The following DNMT3B variants were observed in gnomAD, a reference collection of about 807,000 sequenced individuals.
DNMT3B encodes DNA methyltransferase 3 beta.
Under a neutral mutation model 120.2 loss-of-function variants are expected in DNMT3B, and 37 were observed. The ratio of observed to expected loss-of-function variants is 0.31; its 90% CI spans 0.24 to 0.40. DNMT3B has a LOEUF of 0.40. Among genes scored for constraint, DNMT3B ranks in the 10% least tolerant of loss-of-function variants. The probability of loss-of-function intolerance (pLI) is 1.00; values close to 1 mark genes in which losing one functional copy is unlikely to be tolerated. For missense variants in DNMT3B, 878 were observed against 1,137.3 expected, an observed-to-expected ratio of 0.77 and a Z score of 3.28; for synonymous variants, 412 against 442.8, an observed-to-expected ratio of 0.93 and a Z score of 0.87.
intron 8 of DNMT3B, 30 bp from the exon 9 acceptor site, chr20:32,792,596 C>T: frequency 6.2e-7 from 1 of 1,614,076 alleles, no homozygotes; most frequent in Non-Finnish European, 8.5e-7. Flanking sequence ...CTCCCCACCC[C>T]CCCATTCATC....
chr20:32,786,527 T>C lies in DNMT3B; in HGVS notation c.332T>C (p.Val111Ala). 2 of 1,614,024 alleles carry C rather than the reference T, an allele frequency of 1.2e-6. No homozygotes were observed. The highest frequency in any genetic ancestry group is 1.7e-6 in the Non-Finnish European group (2 of 1,180,028). ...GTCCGAACTCGAAATAACAACAGTGTCTCCAGCCGGGAGAGGCACAGGCCT... is the reference window on the plus strand; with the variant it reads ...GTCCGAACTCGAAATAACAACAGTGCCTCCAGCCGGGAGAGGCACAGGCCT... The part of the protein sequence containing the change: ...PAVRTRNNNS[V>A]SSRERHRPSP... The change falls in exon 5 of 23, where the codon GTC becomes GCC. Residue 111 changes from valine to alanine, a missense_variant. Around this residue, in one of 4 missense-constraint regions of DNMT3B, gnomAD observed 287 missense variants for 306.2 expected, o/e 0.94. Coordinates refer to ENST00000328111, the MANE Select transcript of DNMT3B (RefSeq NM_006892.4).
chr20:32,782,333 G>A (rs1303033161), intron 3 of DNMT3B, among the ~76,000 whole-genome samples: 1 of 152,200 alleles, frequency 6.6e-6, no homozygotes, highest in African/African-American at 2.4e-5. Flanking sequence ...GTAAGGGATG[G>A]TTACATAGAT....
At chr20:32,785,156 C>A (rs1226696298) in intron 4 of DNMT3B, among the ~76,000 whole-genome samples, 2 of 152,034 alleles carry the variant, frequency 1.3e-5, no homozygotes, top group Non-Finnish European at 2.9e-5. Flanking sequence ...TCTCCTGCCA[C>A]AGCCTCCCAA....
intron 1 of DNMT3B, among the ~76,000 whole-genome samples, chr20:32,767,901 T>C (rs897625736): frequency 6.6e-6 from 1 of 152,204 alleles, no homozygotes; most frequent in African/African-American, 2.4e-5. Flanking sequence ...ATTTATGTCC[T>C]GTTGTATGTG....
intron 12 of DNMT3B, 106 bp from the exon 13 acceptor site, chr20:32,796,684 A>G: frequency 7.9e-7 from 1 of 1,258,128 alleles, no homozygotes; most frequent in Non-Finnish European, 1.2e-6. Flanking sequence ...AGTCCTTGGC[A>G]AGCTGCTGGC....
chr20:32,779,590 G>C (rs1978339957), intron 1 of DNMT3B, among the ~76,000 whole-genome samples: 1 of 152,220 alleles, frequency 6.6e-6, no homozygotes, highest in Admixed American at 6.5e-5. Context: ...CCAGAGGTGA[G>C]GGTGAGGCTA....
chr20:32,795,633 T>C lies in DNMT3B; in HGVS notation c.1253-17T>C. Reference sequence around the variant, plus strand: ...GGCTCCCTGACCTCATCTCATGCCTTCTTCTTTTCTCAATAGAACAAATGG... The same window carrying C: ...GGCTCCCTGACCTCATCTCATGCCTCCTTCTTTTCTCAATAGAACAAATGG... On this transcript the variant is annotated splice_polypyrimidine_tract_variant and intron_variant, in intron 11 of 22. Transcript: ENST00000328111. 5 of 1,614,146 alleles carry C rather than the reference T, an allele frequency of 3.1e-6. No homozygotes were observed. Among genetic ancestry groups the C allele is most frequent in the Non-Finnish European group, 3.4e-6 (4 of 1,180,012 alleles).
chr20:32,795,413 C>A lies in DNMT3B; in HGVS notation c.1131C>A (p.Asn377Lys). 3.1e-6 allele frequency: 5 copies of A among 1,614,104 alleles called. No homozygotes were observed. The highest frequency in any genetic ancestry group is 4.2e-6 in the Non-Finnish European group (5 of 1,180,000). The change falls in exon 11 of 23, where the codon AAC (asparagine) becomes AAA (lysine). Residue 377 changes from asparagine to lysine, a missense_variant. Asn to Lys is a moderately conservative substitution (Grantham distance 94). This residue lies in a region of DNMT3B where 207 missense variants were observed against 222.6 expected (regional missense o/e 0.93). Transcript: ENST00000328111. ...CAGTCTAATTACCTTTCACAGAGAACAAGACTCGAAGACGCACAGCTGACG... is the reference window on the plus strand; with the variant it reads ...CAGTCTAATTACCTTTCACAGAGAAAAAGACTCGAAGACGCACAGCTGACG... Reference protein sequence around the residue: ...SRKLESRKYENKTRRRTADDS... With the variant: ...SRKLESRKYEKKTRRRTADDS...
At chr20:32,770,796 G>T (rs912590194) in intron 1 of DNMT3B, among the ~76,000 whole-genome samples, 1 of 151,686 alleles carries the variant, frequency 6.6e-6, no homozygotes, top group Non-Finnish European at 1.5e-5. Flanking sequence ...ATTTTTAGTG[G>T]AAACGGGGTT....
intron 1 of DNMT3B, among the ~76,000 whole-genome samples, chr20:32,764,552 T>C (rs1422104360): frequency 6.6e-6 from 1 of 152,200 alleles, no homozygotes; most frequent in Non-Finnish European, 1.5e-5. Flanking sequence ...TGTCCACGAT[T>C]AGGGAGTTGG....
intron 20 of DNMT3B, among the ~76,000 whole-genome samples, chr20:32,803,703 C>G (rs1417747820): frequency 1.3e-5 from 2 of 152,044 alleles, no homozygotes; most frequent in Non-Finnish European, 2.9e-5. Context: ...AGGGATGGAC[C>G]CATGCAGTTA....
At position 32,796,882 on chromosome 20, in the gene DNMT3B, A is replaced by C. The variant is rs1980688386; in HGVS notation, c.1377+13A>C. The C allele has an allele frequency of 8.1e-6, 13 of 1,613,736 alleles. No homozygotes were observed. The highest frequency in any genetic ancestry group is 1.1e-5 in the Non-Finnish European group (13 of 1,179,978). Reference sequence around the variant, plus strand: ...TCAGACATGCCGGGTAAGTCCTCCTACTACTGCCCTGGACCTTCCTCCCCT... The same window carrying C: ...TCAGACATGCCGGGTAAGTCCTCCTCCTACTGCCCTGGACCTTCCTCCCCT... On this transcript the variant is annotated intron_variant, in intron 13 of 22. Coordinates refer to ENST00000328111, the MANE Select transcript of DNMT3B (RefSeq NM_006892.4).
chr20:32,791,685 A>G lies in DNMT3B; in HGVS notation c.898A>G (p.Lys300Glu), dbSNP rs1979987076. ...ATFNKLVSYR[K>E]AMYHALEKAR... ...CTTCAATAAGCTCGTCTCCTATCGA[A>G]AAGCCATGTACCATGCTCTGGAGGT... Residue 300 changes from lysine (K) to glutamate (E), a missense_variant, in exon 8 of 23, where the codon AAA becomes GAA. By Grantham distance (56) the Lys-to-Glu change is moderately conservative. Transcript: ENST00000328111. The G allele has an allele frequency of 1.2e-6, 2 of 1,614,100 alleles. No homozygotes were observed. The highest frequency in any genetic ancestry group is 1.7e-6 in the Non-Finnish European group (2 of 1,179,954).
chr20:32,772,866 T>C (rs1987822892), intron 1 of DNMT3B, among the ~76,000 whole-genome samples: 1 of 143,332 alleles, frequency 7.0e-6, no homozygotes, highest in African/African-American at 2.7e-5. Flanking sequence ...TTTTCCCTGT[T>C]TGGACACATT....
chr20:32,776,185 C>A (rs915750653), intron 1 of DNMT3B, among the ~76,000 whole-genome samples: 1 of 151,048 alleles, frequency 6.6e-6, no homozygotes, highest in African/African-American at 2.4e-5. Context: ...GCCGAGATCG[C>A]GCCACTGCAC....
In DNMT3B at chr20:32,806,210, T is replaced by C; in HGVS notation, c.2303T>C (p.Leu768Ser). The change falls in exon 22 of 23, where the codon TTA becomes TCA. Residue 768 changes from leucine (L) to serine (S), a missense_variant and splice_region_variant. Physicochemically the swap from Leu to Ser is moderately radical, Grantham distance 145 (BLOSUM62 -2). Around this residue, in one of 4 missense-constraint regions of DNMT3B, gnomAD observed 334 missense variants for 518.8 expected, o/e 0.64. Transcript: ENST00000328111. ...DCLEYNRIAK[L>S]KKVQTITTKS... Reference sequence around the variant, plus strand: ...CCATGATGTCATTTTGTTCTCCAGTTAAAGAAAGTACAGACAATAACCACC... The same window carrying C: ...CCATGATGTCATTTTGTTCTCCAGTCAAAGAAAGTACAGACAATAACCACC... 1 of 1,614,070 alleles carries C rather than the reference T, an allele frequency of 6.2e-7. No homozygotes were observed. The highest frequency in any genetic ancestry group is 8.5e-7 in the Non-Finnish European group (1 of 1,179,956).
chr20:32,787,124 A>G (rs758872498), intron 5 of DNMT3B, 106 bp from the exon 6 acceptor site: 40 of 1,341,516 alleles, frequency 3.0e-5, no homozygotes, highest in Non-Finnish European at 4.2e-5. Flanking sequence ...CTTTAACTTC[A>G]GTCTTTCCTC....
intron 21 of DNMT3B, 54 bp from the exon 22 acceptor site, chr20:32,806,155 C>G (rs1981957313): frequency 6.5e-7 from 1 of 1,548,316 alleles, no homozygotes. Flanking sequence ...TGAGCCTTGA[C>G]TCCCCAGGTC....
At chr20:32,782,759 T>C (rs1978781413) in intron 3 of DNMT3B, among the ~76,000 whole-genome samples, 1 of 152,218 alleles carries the variant, frequency 6.6e-6, no homozygotes, top group Admixed American at 6.5e-5. Flanking sequence ...TAGGGTTCCA[T>C]CTTCCAAGGT....
Sources: allele counts gnomAD v4.1 joint callset (sites outside exome capture counted in the v4.1 genomes callset), GRCh38; gene constraint gnomAD v4.1.1; regional missense constraint gnomAD v4.1.1; transcripts MANE v1.5; gene names NCBI Gene and HGNC (gene_info 2026-07-23, HGNC 2026-07-21).